GOLM1: variants seen among roughly 807,000 people sequenced by gnomAD.
The protein encoded by GOLM1 is epididymis luminal protein 46.
GOLM1 carries 31 observed loss-of-function variants against 50.5 expected under a neutral mutation model. The ratio of observed to expected loss-of-function variants is 0.61; its 90% CI spans 0.46 to 0.83. The LOEUF is 0.83. GOLM1 is among the 40% of genes least tolerant of loss of function. The pLI is 0.00. For synonymous variants in GOLM1, 178 were observed against 192.8 expected, an observed-to-expected ratio of 0.92 and a Z score of 0.64; for missense variants, 491 against 501.3, an observed-to-expected ratio of 0.98 and a Z score of 0.20.
intron 8 of GOLM1, among the ~76,000 whole-genome samples, chr9:86,033,901 A>G (rs1833056123): frequency 6.6e-6 from 1 of 152,136 alleles, no homozygotes; most frequent in Admixed American, 6.5e-5. Flanking sequence ...AAGGCTTTCA[A>G]GAGACCTACT....
At position 86,026,572 on chromosome 9, in the gene GOLM1, C is replaced by CT. The variant is rs1409814244; in HGVS notation, c.*1244dup. On this transcript the variant is annotated 3_prime_UTR_variant, in exon 10 of 10. Coordinates refer to ENST00000388712, the MANE Select transcript of GOLM1 (RefSeq NM_016548.4). ...GGTTGGATCAAACGATCTCTGGGGC[C>CT]TTAGCATCTCAAATCCTGTGGATCC... The CT allele has an allele frequency of 9.6e-6, 9 of 933,456 alleles. No individual in the cohort carries two copies. Among genetic ancestry groups the CT allele is most frequent in the Non-Finnish European group, 8.9e-6 (7 of 782,702 alleles). 57.8% of individuals were successfully genotyped at this position (933,456 alleles called of 1,614,324 possible).
intron 1 of GOLM1, among the ~76,000 whole-genome samples, chr9:86,090,353 C>T (rs776769382): frequency 1.1e-4 from 16 of 152,168 alleles, no homozygotes; most frequent in Non-Finnish European, 2.1e-4. Context: ...CACAGCTACC[C>T]CTTCCCCCAG....
intron 3 of GOLM1, among the ~76,000 whole-genome samples, chr9:86,054,732 C>T (rs956835805): frequency 1.4e-4 from 22 of 152,170 alleles, no homozygotes; most frequent in South Asian, 6.2e-4. Context: ...AGGACACCAA[C>T]GTAGTAGGCT....
intron 3 of GOLM1, among the ~76,000 whole-genome samples, chr9:86,065,664 A>T (rs1335702162): frequency 6.6e-6 from 1 of 151,954 alleles, no homozygotes; most frequent in Non-Finnish European, 1.5e-5. Flanking sequence ...GCCTTCCATG[A>T]CCTCTCTGGC....
At chr9:86,056,033 GAT>G (rs1833974674) in intron 3 of GOLM1, among the ~76,000 whole-genome samples, 1 of 152,110 alleles carries the variant, frequency 6.6e-6, no homozygotes, top group Non-Finnish European at 1.5e-5. Context: ...CCCCAGAGTT[GAT>G]CTCCTGGGTA....
chr9:86,026,638 A>AT lies in GOLM1; in HGVS notation c.*1178dup, dbSNP rs1832794708. 1.0e-6 allele frequency: 1 copy of AT among 984,908 alleles called. No individual in the cohort carries two copies. Among genetic ancestry groups the AT allele is most frequent in the African/African-American group, 1.7e-5 (1 of 57,236 alleles). The allele number at this position is 984,908 out of a possible 1,614,324, so 61.0% of individuals were successfully genotyped here. A position where few individuals can be genotyped will look rare whatever the true frequency, so the allele number is the denominator to read the frequency against. ...AGAGAGCCTTACTGGGAAGTCAGTC[A>AT]TTAATGATGTGGCCAGTTATTTGCA... On this transcript the variant is annotated 3_prime_UTR_variant, in exon 10 of 10. Coordinates refer to ENST00000388712, the MANE Select transcript of GOLM1 (RefSeq NM_016548.4).
chr9:86,050,248 T>C (rs1833697765), intron 4 of GOLM1, among the ~76,000 whole-genome samples: 1 of 152,218 alleles, frequency 6.6e-6, no homozygotes, highest in Non-Finnish European at 1.5e-5. Flanking sequence ...CTTTTTGATG[T>C]GCTGCTGGAT....
intron 9 of GOLM1, among the ~76,000 whole-genome samples, chr9:86,028,658 T>C (rs899707865): frequency 5.3e-5 from 8 of 152,096 alleles, no homozygotes; most frequent in Non-Finnish European, 8.8e-5. Flanking sequence ...AAGAACGCAC[T>C]GCAACACACA....
intron 9 of GOLM1, 90 bp from the exon 10 acceptor site, chr9:86,027,983 CTG>C: frequency 1.4e-6 from 1 of 728,312 alleles, no homozygotes; most frequent in Non-Finnish European, 2.3e-6. Context: ...CTTCTAGAAA[CTG>C]TCATAAAGAG....
At chr9:86,053,690 A>T in intron 3 of GOLM1, among the ~76,000 whole-genome samples, 1 of 109,064 alleles carries the variant, frequency 9.2e-6, no homozygotes, top group African/African-American at 4.0e-5. Flanking sequence ...CTCCACACAC[A>T]CCACACACAT....
intron 1 of GOLM1, 105 bp from the exon 2 acceptor site, chr9:86,079,446 C>T (rs986033460): frequency 6.7e-6 from 6 of 901,834 alleles, no homozygotes; most frequent in Middle Eastern, 3.5e-4. Context: ...TGCCAAGAAG[C>T]GTGGGCTGGT....
At chr9:86,053,070 C>G (rs1587711088) in intron 3 of GOLM1, among the ~76,000 whole-genome samples, 1 of 147,010 alleles carries the variant, frequency 6.8e-6, no homozygotes, top group East Asian at 2.1e-4. Flanking sequence ...ACACCACACA[C>G]CACTCTACAC....
At chr9:86,070,948 G>A (rs889719336) in intron 3 of GOLM1, among the ~76,000 whole-genome samples, 1 of 152,046 alleles carries the variant, frequency 6.6e-6, no homozygotes, top group Non-Finnish European at 1.5e-5. Context: ...AAAATGAGAG[G>A]ATGTACAACC....
intron 3 of GOLM1, among the ~76,000 whole-genome samples, chr9:86,062,564 GGGAT>G (rs1364096871): frequency 6.6e-6 from 1 of 151,108 alleles, no homozygotes; most frequent in African/African-American, 2.4e-5. Flanking sequence ...ATGGAGGAAA[GGGAT>G]GGAAGGAAGA....
chr9:86,081,887 TA>T (rs202108156), intron 1 of GOLM1, among the ~76,000 whole-genome samples: 139 of 139,074 alleles, frequency 1.0e-3, no homozygotes, highest in Admixed American at 1.1e-3. Context: ...AGACTCTGAT[TA>T]AAAAAAAAAA....
intron 3 of GOLM1, among the ~76,000 whole-genome samples, chr9:86,068,520 T>G (rs544708962): frequency 6.6e-6 from 1 of 152,300 alleles, no homozygotes; most frequent in East Asian, 1.9e-4. Context: ...GTCTTGGTCC[T>G]GGCCCCTGCC....
At position 86,035,370 on chromosome 9, in the gene GOLM1, TC is replaced by T; in HGVS notation, c.1012del (p.Glu338LysfsTer8). On this transcript the variant is annotated frameshift_variant, in exon 8 of 10. Coordinates refer to ENST00000388712, the MANE Select transcript of GOLM1 (RefSeq NM_016548.4). LOFTEE classifies it high-confidence loss of function. ...GQEEEQEAAG[E>X]GRNQQKLRGE... is the part of the protein sequence containing the mutation. ...GGCCCCCGAAACTTCACACCCACCT[TC>T]CCCGGCAGCTTCCTGCTCCTCCTCC... 6.2e-7 allele frequency: 1 copy of T among 1,613,154 alleles called. No individual in the cohort carries two copies. The highest frequency in any genetic ancestry group is 1.1e-5 in the South Asian group (1 of 91,028).
At chr9:86,072,798 AT>A (rs1416845686) in intron 3 of GOLM1, among the ~76,000 whole-genome samples, 1 of 152,212 alleles carries the variant, frequency 6.6e-6, no homozygotes, top group Non-Finnish European at 1.5e-5. Flanking sequence ...CCTGGATATT[AT>A]AGCCTACTGT....
At chr9:86,088,364 A>T (rs1380220114) in intron 1 of GOLM1, among the ~76,000 whole-genome samples, 3 of 140,200 alleles carry the variant, frequency 2.1e-5, no homozygotes, top group African/African-American at 8.2e-5. Flanking sequence ...CAGTCTATCT[A>T]TTTTGTTAAT....
Sources: allele counts gnomAD v4.1 joint callset (sites outside exome capture counted in the v4.1 genomes callset), GRCh38; gene constraint gnomAD v4.1.1; transcripts MANE v1.5; gene names NCBI Gene and HGNC (gene_info 2026-07-23, HGNC 2026-07-21).